Variants in CABP2 observed in about 807,000 individuals in gnomAD.
CABP2 encodes calcium binding protein 2, also known as calcium-binding protein 2.
In CABP2, 25 loss-of-function variants were observed where a neutral mutation model predicts 28.6. The observed-to-expected ratio is 0.87, with a 90% CI of 0.64 to 1.22. CABP2 has a LOEUF of 1.22. Ranked by LOEUF, CABP2 falls within the 50% of genes most tolerant of loss-of-function variation. CABP2 has a pLI of 0.00. For missense variants in CABP2, 310 were observed against 312.2 expected, an observed-to-expected ratio of 0.99 and a Z score of 0.05; for synonymous variants, 138 against 126.0, an observed-to-expected ratio of 1.09 and a Z score of -0.64.
Position 67,519,072 on chromosome 11 carries a change from G to A in CABP2, c.*67C>T, listed in dbSNP as rs909847100. On this transcript the variant is annotated 3_prime_UTR_variant, in exon 7 of 7. Coordinates refer to ENST00000294288, the MANE Select transcript of CABP2 (RefSeq NM_016366.3). ...CCCGCTAGAGGCGATGGGCTTCAAG[G>A]AACATGCTGGTGGGCAGAGGCTGTG... is the stretch of plus-strand genomic sequence containing the variant. 3.8e-6 allele frequency: 6 copies of A among 1,568,140 alleles called. No homozygotes were observed. The Admixed American group carries it at 1.0e-4, about 26-fold the overall frequency.
intron 3 of CABP2, 83 bp from the exon 4 acceptor site, chr11:67,521,242 A>G (rs1301255016): frequency 8.6e-6 from 12 of 1,395,636 alleles, no homozygotes; most frequent in African/African-American, 2.8e-5. Flanking sequence ...CCTTGGTCCA[A>G]TCATCCCTCC....
chr11:67,520,221 C>G, intron 4 of CABP2, 61 bp from the exon 5 acceptor site: 1 of 996,988 alleles, frequency 1.0e-6, no homozygotes, highest in Non-Finnish European at 1.6e-6. Flanking sequence ...CCCTGGCCCT[C>G]CCTCCTCTGC....
At position 67,521,008 on chromosome 11, in the gene CABP2, G is replaced by C. The variant is rs1866738439; in HGVS notation, c.379+17C>G. Reference sequence around the variant, plus strand: ...CATCTGGAGGACTGGGGATGGGGATGGGTCCGAGGCACATACTGATTTGTT... The same window carrying C: ...CATCTGGAGGACTGGGGATGGGGATCGGTCCGAGGCACATACTGATTTGTT... On this transcript the variant is annotated intron_variant, in intron 4 of 6. Coordinates refer to ENST00000294288, the MANE Select transcript of CABP2 (RefSeq NM_016366.3). 1 of 1,608,148 alleles carries C rather than the reference G, an allele frequency of 6.2e-7. No individual in the cohort carries two copies. Among genetic ancestry groups the C allele is most frequent in the African/African-American group, 1.3e-5 (1 of 74,778 alleles).
At chr11:67,521,191 C>T (rs780879350) in intron 3 of CABP2, 32 bp from the exon 4 acceptor site, 40 of 1,603,154 alleles carry the variant, frequency 2.5e-5, no homozygotes, top group Non-Finnish European at 3.3e-5. Context: ...GTCCTTCCCC[C>T]ACAACCCCCT....
At position 67,519,109 on chromosome 11, in the gene CABP2, C is replaced by A; in HGVS notation, c.*30G>T. 1 of 1,613,718 alleles carries A rather than the reference C, an allele frequency of 6.2e-7. No individual in the cohort carries two copies. On this transcript the variant is annotated 3_prime_UTR_variant, in exon 7 of 7. Coordinates refer to ENST00000294288, the MANE Select transcript of CABP2 (RefSeq NM_016366.3). ...GGGCAGAGGCTGTGGTCCTTGAGTC[C>A]TTTATGCTGCCTCCAGCTTCTGTAC...
intron 4 of CABP2, 109 bp downstream of exon 4, chr11:67,520,916 G>T: frequency 1.6e-6 from 2 of 1,212,336 alleles, no homozygotes; most frequent in Non-Finnish European, 2.4e-6. Flanking sequence ...AAGGTCATGG[G>T]CTCTGGGGAC....
rs750036879 is a variant in CABP2, at chr11:67,521,978, C to G, written c.218G>C (p.Arg73Pro). The G allele has an allele frequency of 1.2e-6, 2 of 1,613,074 alleles. No individual in the cohort carries two copies. Among genetic ancestry groups the G allele is most frequent in the South Asian group, 1.1e-5 (1 of 90,704 alleles). Residue 73 changes from arginine to proline, a missense_variant, in exon 3 of 7, where the codon CGG becomes CCG. Transcript: ENST00000294288. Reference protein sequence around the residue: ...RPSIAATQLDRELRPEEIEEL... With the variant: ...RPSIAATQLDPELRPEEIEEL... ...TTCAATCTCCTCGGGCCGCAGCTCC[C>G]GGTCCTGAAGGGCACAGAGGGGTTA...
chr11:67,519,962 C>T (rs752334231), intron 5 of CABP2, 22 bp from the exon 6 acceptor site: 2 of 1,600,072 alleles, frequency 1.2e-6, no homozygotes, highest in South Asian at 1.1e-5. Flanking sequence ...TTGGTTGTGG[C>T]GTCTGGTCAC....
At position 67,520,067 on chromosome 11, in the gene CABP2, C is replaced by T. The variant is rs778804226; in HGVS notation, c.473G>A (p.Arg158Gln). The T allele has an allele frequency of 3.0e-5, 49 of 1,612,744 alleles. No homozygotes were observed. The South Asian group carries it at 4.0e-4, about 13-fold the overall frequency. ...TADMIGVRELRDAFREFDTNG... is the reference protein window; with the variant it reads ...TADMIGVRELQDAFREFDTNG... ...TGGCCGCACCTCCCGGAAGGCGTCC[C>T]GTAGCTCCCGGACACCGATCATGTC... is the stretch of plus-strand genomic sequence containing the variant. Residue 158 changes from arginine to glutamine, a missense_variant, in exon 5 of 7, where the codon CGG becomes CAG. Coordinates refer to ENST00000294288, the MANE Select transcript of CABP2 (RefSeq NM_016366.3).
chr11:67,519,190 G>C (rs2134358996), intron 6 of CABP2, 26 bp from the exon 7 acceptor site: 2 of 1,613,942 alleles, frequency 1.2e-6, no homozygotes, highest in East Asian at 4.5e-5. Context: ...CAAGGTTTTG[G>C]GTCTGTTCTC....
rs1445430117 is a variant in CABP2 at position 67,523,281 on chromosome 11, C to T, written c.42+4G>A. The T allele has an allele frequency of 3.2e-6, 5 of 1,554,668 alleles. No homozygotes were observed. Among genetic ancestry groups the T allele is most frequent in the Non-Finnish European group, 4.4e-6 (5 of 1,148,066 alleles). On this transcript the variant is annotated splice_donor_region_variant and intron_variant, in intron 1 of 6. Coordinates refer to ENST00000294288, the MANE Select transcript of CABP2 (RefSeq NM_016366.3). ...GCCTGGGTTTCTCCCCTGACCCCTC[C>T]TACCTTAGGGCCCCGGCGCCAGGGC...
intron 6 of CABP2, 119 bp downstream of exon 6, chr11:67,519,674 G>A (rs1418915171): frequency 2.2e-6 from 2 of 902,944 alleles, no homozygotes; most frequent in Non-Finnish European, 3.5e-6. Flanking sequence ...TAATTAACTA[G>A]GAGAGGACAT....
At chr11:67,520,297 T>C in intron 4 of CABP2, 137 bp from the exon 5 acceptor site, 1 of 624,430 alleles carries the variant, frequency 1.6e-6, no homozygotes. Context: ...GTCATCTGTA[T>C]TTCCCAATGG....
Position 67,522,675 on chromosome 11 carries a change from G to A in CABP2, c.84C>T (p.Cys28=). 1 of 1,531,446 alleles carries A rather than the reference G, an allele frequency of 6.5e-7. No homozygotes were observed. The allele number at this position is 1,531,446 out of a possible 1,614,324, so 94.9% of individuals were successfully genotyped here. A position where few individuals can be genotyped will look rare whatever the true frequency, so the allele number is the denominator to read the frequency against. ...CCTTGGGGCTGGAGCTGGGGCTGGGGCAGGAGCCCCTTGGTGGGGAGCCGA... is the reference window on the plus strand; with the variant it reads ...CCTTGGGGCTGGAGCTGGGGCTGGGACAGGAGCCCCTTGGTGGGGAGCCGA... ...QWLGSPPRGS[C]PSPSSSPKEQ... Residue 28 remains cysteine (C), a synonymous_variant, in exon 2 of 7, where the codon TGC becomes TGT. Transcript: ENST00000294288.
Position 67,521,955 on chromosome 11 carries a change from C to G in CABP2, c.241G>C (p.Glu81Gln), listed in dbSNP as rs777036556. The change falls in exon 3 of 7, where the codon GAA (glutamate) becomes CAA (glutamine). Residue 81 changes from glutamate to glutamine, a missense_variant. By Grantham distance (29) the Glu-to-Gln change is conservative. Coordinates refer to ENST00000294288, the MANE Select transcript of CABP2 (RefSeq NM_016366.3). ...AGTTCCTTCTCCAACCCTTTACCTT[C>G]AATCTCCTCGGGCCGCAGCTCCCGG... is the stretch of plus-strand genomic sequence containing the variant. ...LDRELRPEEI[E>Q]ELQVAFQEFD... is the part of the protein sequence containing the mutation. The G allele has an allele frequency of 1.3e-6, 2 of 1,537,600 alleles. No individual in the cohort carries two copies. The highest frequency in any genetic ancestry group is 1.8e-6 in the Non-Finnish European group (2 of 1,131,902).
In CABP2 at chr11:67,522,733, C is replaced by T. The variant is rs372655272; in HGVS notation, c.43-17G>A. On this transcript the variant is annotated splice_polypyrimidine_tract_variant and intron_variant, in intron 1 of 6. Transcript: ENST00000294288. ...CAAGGGGTCCTGCAGCAGAGCCGGC[C>T]GTGAGCTGGGGCAGTGGCCGCTGAG... The T allele has an allele frequency of 2.6e-5, 38 of 1,466,944 alleles. No individual in the cohort carries two copies. The highest frequency in any genetic ancestry group is 1.3e-4 in the African/African-American group (9 of 70,840). 90.9% of individuals were successfully genotyped at this position (1,466,944 alleles called of 1,614,324 possible).
At chr11:67,521,330 T>C (rs1866745458) in intron 3 of CABP2, among the ~76,000 whole-genome samples, 171 bp from the exon 4 acceptor site, 1 of 152,136 alleles carries the variant, frequency 6.6e-6, no homozygotes, top group Non-Finnish European at 1.5e-5. Flanking sequence ...TCAGCAAATA[T>C]TTGAGGAGCA....
chr11:67,520,874 C>T (rs759034382), intron 4 of CABP2, 151 bp downstream of exon 4: 59 of 816,244 alleles, frequency 7.2e-5, no homozygotes, highest in Non-Finnish European at 1.1e-4. Context: ...GTGAGATTCT[C>T]CAGAGGCAGA....
chr11:67,521,278 G>C, intron 3 of CABP2, 119 bp from the exon 4 acceptor site: 1 of 1,051,990 alleles, frequency 9.5e-7, no homozygotes, highest in Non-Finnish European at 1.4e-6. Flanking sequence ...TCTCTTTGCT[G>C]CCTCGGGGCC....
Sources: allele counts gnomAD v4.1 joint callset (sites outside exome capture counted in the v4.1 genomes callset), GRCh38; gene constraint gnomAD v4.1.1; transcripts MANE v1.5; gene names NCBI Gene and HGNC (gene_info 2026-07-23, HGNC 2026-07-21).